ZNF184: variants seen among roughly 807,000 people sequenced by gnomAD.
The protein encoded by ZNF184 is zinc finger protein 184, also known as zinc finger protein 184 (Kruppel-like).
ZNF184 carries 16 observed loss-of-function variants against 54.4 expected under a neutral mutation model. The ratio of observed to expected loss-of-function variants is 0.29; its 90% CI spans 0.20 to 0.45. The LOEUF (loss-of-function observed/expected upper bound fraction) is 0.45, where lower values mean the gene tolerates loss of function less well. ZNF184 is among the 20% of genes least tolerant of loss of function. The probability of loss-of-function intolerance (pLI) is 1.00; values close to 1 mark genes in which losing one functional copy is unlikely to be tolerated. For missense variants in ZNF184, 681 were observed against 888.2 expected, an observed-to-expected ratio of 0.77 and a Z score of 2.97; for synonymous variants, 254 against 295.3, an observed-to-expected ratio of 0.86 and a Z score of 1.43.
the ZNF184 span, among the ~76,000 whole-genome samples, chr6:27,425,867 G>A: frequency 6.6e-6 from 1 of 152,042 alleles, no homozygotes; most frequent in African/African-American, 2.4e-5. Flanking sequence ...TCTATCTTCG[G>A]GCTGTCTCCC....
chr6:27,461,046 A>G (rs564380144), intron 3 of ZNF184, among the ~76,000 whole-genome samples: 75 of 152,324 alleles, frequency 4.9e-4, no homozygotes, highest in South Asian at 1.4e-3. Flanking sequence ...AAGATGTACC[A>G]AACTGTCAAC....
At chr6:27,468,521 T>C (rs1444075922) in intron 2 of ZNF184, among the ~76,000 whole-genome samples, 1 of 152,230 alleles carries the variant, frequency 6.6e-6, no homozygotes, top group Admixed American at 6.5e-5. Context: ...ATTCCACTCC[T>C]GTCCTTACAT....
At chr6:27,423,721 A>G in the ZNF184 span, among the ~76,000 whole-genome samples, 6 of 151,590 alleles carry the variant, frequency 4.0e-5, no homozygotes, top group East Asian at 1.2e-3. Flanking sequence ...TTAGATATTT[A>G]TATATCTATA....
chr6:27,453,342 AAAAT>A lies in ZNF184; in HGVS notation c.299-86_299-83del, dbSNP rs1165643838. 4.5e-6 allele frequency: 6 copies of A among 1,320,744 alleles called. No homozygotes were observed. In the Admixed American group the frequency reaches 1.5e-4, roughly 34 times the overall value. 81.8% of individuals were successfully genotyped at this position (1,320,744 alleles called of 1,614,324 possible). A position where few individuals can be genotyped will look rare whatever the true frequency, so the allele number is the denominator to read the frequency against. Reference sequence around the variant, plus strand: ...TGTGGGAATAATATAATGATACTGAAAAATAAATCTCTCAGAAAATTCTAATGGT... The same window carrying A: ...TGTGGGAATAATATAATGATACTGAAAAATCTCTCAGAAAATTCTAATGGT... On this transcript the variant is annotated intron_variant, in intron 5 of 5. Transcript: ENST00000683788. The surrounding 1 kb of genome is among the most constrained non-coding windows in gnomAD (Gnocchi z 4.7).
rs528471739 is a variant in ZNF184 at position 27,453,388 on chromosome 6, A to G, written c.299-128T>C. 6 of 964,464 alleles carry G rather than the reference A, an allele frequency of 6.2e-6. No individual in the cohort carries two copies. The African/African-American group carries it at 8.4e-5, about 14-fold the overall frequency. 59.7% of individuals were successfully genotyped at this position (964,464 alleles called of 1,614,324 possible). A position where few individuals can be genotyped will look rare whatever the true frequency, so the allele number is the denominator to read the frequency against. ...TCTAATGGTTTTCAAATATATAGCC[A>G]TATTATTTGGGGAGAAAGTTGGAAG... is the stretch of plus-strand genomic sequence containing the variant. On this transcript the variant is annotated intron_variant, in intron 5 of 5. Coordinates refer to ENST00000683788, the MANE Select transcript of ZNF184 (RefSeq NM_001318891.2). This position sits in a 1 kb window ranked among gnomAD's most constrained non-coding sequence, Gnocchi z 4.7.
the ZNF184 span, among the ~76,000 whole-genome samples, chr6:27,423,942 T>G: frequency 1.3e-5 from 2 of 152,226 alleles, no homozygotes; most frequent in Non-Finnish European, 2.9e-5. Context: ...CTGCTCTTGT[T>G]GAAACATTGT....
At chr6:27,439,323 A>T in the ZNF184 span, among the ~76,000 whole-genome samples, 1 of 152,200 alleles carries the variant, frequency 6.6e-6, no homozygotes, top group African/African-American at 2.4e-5. Context: ...AAATTCCAGA[A>T]ATAAACAATT....
chr6:27,472,144 A>G lies in ZNF184; in HGVS notation c.7+144T>C. ...CTATAAAACAGAATCTCTCCCTACA[A>G]TGTAATTCGGTTTCTTTGCTAATCC... On this transcript the variant is annotated intron_variant, in intron 2 of 5. Coordinates refer to ENST00000683788, the MANE Select transcript of ZNF184 (RefSeq NM_001318891.2). The surrounding 1 kb of genome is among the most constrained non-coding windows in gnomAD (Gnocchi z 4.8). 1.9e-6 allele frequency: 2 copies of G among 1,041,964 alleles called. No homozygotes were observed. The highest frequency in any genetic ancestry group is 2.7e-5 in the East Asian group (1 of 37,370). The allele number at this position is 1,041,964 out of a possible 1,614,324, so 64.5% of individuals were successfully genotyped here.
the ZNF184 span, among the ~76,000 whole-genome samples, chr6:27,425,743 C>T: frequency 5.2e-4 from 79 of 152,308 alleles, no homozygotes; most frequent in Non-Finnish European, 9.6e-4. Flanking sequence ...TTTTCACCTC[C>T]GCTGTCATCT....
chr6:27,457,043 G>T, intron 4 of ZNF184, 122 bp from the exon 5 acceptor site: 1 of 969,188 alleles, frequency 1.0e-6, no homozygotes, highest in Non-Finnish European at 1.5e-6. Flanking sequence ...GGAGTGGATA[G>T]CATATCAAGC....
the ZNF184 span, among the ~76,000 whole-genome samples, chr6:27,413,284 A>G: frequency 6.6e-6 from 1 of 152,180 alleles, no homozygotes; most frequent in Non-Finnish European, 1.5e-5. Context: ...AAAAAAACAG[A>G]TTTAAGAAAA....
At chr6:27,430,622 G>A in the ZNF184 span, among the ~76,000 whole-genome samples, 1 of 152,132 alleles carries the variant, frequency 6.6e-6, no homozygotes, top group Non-Finnish European at 1.5e-5. Flanking sequence ...AGCTGGAAGA[G>A]GCAAGGAATA....
downstream of ZNF184, chr6:27,450,686 G>A (rs1304193995): frequency 6.6e-6 from 1 of 151,824 alleles, no homozygotes; most frequent in African/African-American, 2.4e-5. Context: ...ACCAGTTTAA[G>A]TTGTAGAAGT....
At chr6:27,409,498 C>CA in the ZNF184 span, among the ~76,000 whole-genome samples, 1,624 of 38,992 alleles carry the variant, frequency 0.042, 62 homozygotes, top group East Asian at 0.065. Flanking sequence ...GACTCCGTCT[C>CA]AAAAAAAAAA....
chr6:27,469,250 C>G (rs1444701451), intron 2 of ZNF184, among the ~76,000 whole-genome samples: 1 of 152,190 alleles, frequency 6.6e-6, no homozygotes, highest in Non-Finnish European at 1.5e-5. Context: ...CTAGGCACAC[C>G]TGTTTCCACA....
rs1762716187 is a variant in ZNF184 at position 27,451,442 on chromosome 6, G to A, written c.2117C>T (p.Thr706Ile). The change falls in exon 6 of 6, where the codon ACT becomes ATT. Residue 706 changes from threonine (T) to isoleucine (I), a missense_variant. Coordinates refer to ENST00000683788, the MANE Select transcript of ZNF184 (RefSeq NM_001318891.2). Reference sequence around the variant, plus strand: ...AATGAGATATGTGCTCTGGCTAAAAGTCTTTCTGCATTCATTACAGTTATA... The same window carrying A: ...AATGAGATATGTGCTCTGGCTAAAAATCTTTCTGCATTCATTACAGTTATA... ...KPYNCNECRK[T>I]FSQSTYLIQH... 7 of 1,614,130 alleles carry A rather than the reference G, an allele frequency of 4.3e-6. No individual in the cohort carries two copies. Among genetic ancestry groups the A allele is most frequent in the Non-Finnish European group, 5.9e-6 (7 of 1,180,002 alleles).
chr6:27,449,697 G>C (rs539809510), downstream of ZNF184, among the ~76,000 whole-genome samples: 1 of 152,142 alleles, frequency 6.6e-6, no homozygotes, highest in South Asian at 2.1e-4. Context: ...GCTGCAGTAA[G>C]TTATAATCAT....
intron 5 of ZNF184, among the ~76,000 whole-genome samples, chr6:27,456,337 T>C (rs1016405853): frequency 6.6e-6 from 1 of 152,180 alleles, no homozygotes; most frequent in African/African-American, 2.4e-5. Flanking sequence ...CCTGCAGTTA[T>C]GGAATTCATT....
chr6:27,457,062 T>TA, intron 4 of ZNF184, 141 bp from the exon 5 acceptor site: 1 of 945,534 alleles, frequency 1.1e-6, no homozygotes, highest in Non-Finnish European at 1.6e-6. Flanking sequence ...GCTTTAGTGT[T>TA]ACCAGTTCCC....
Sources: gnomAD v4.1 joint callset for allele counts (sites outside exome capture counted in the v4.1 genomes callset) on GRCh38, gnomAD v4.1.1 for gene constraint, Gnocchi (gnomAD v3.1) non-coding constraint, MANE v1.5 for transcripts, NCBI Gene and HGNC (gene_info 2026-07-23, HGNC 2026-07-21) for gene names.